Variants in SLC35F1 observed in about 807,000 individuals in gnomAD.
SLC35F1 encodes the protein chromosome 6 open reading frame 169.
A neutral mutation model predicts 48.7 loss-of-function variants in SLC35F1; 14 were observed. The ratio of observed to expected loss-of-function variants is 0.29; its 90% CI spans 0.19 to 0.45. The LOEUF (loss-of-function observed/expected upper bound fraction) is 0.45. SLC35F1 is among the 20% of genes least tolerant of loss of function. The probability of loss-of-function intolerance (pLI) is 1.00; values close to 1 mark genes in which losing one functional copy is unlikely to be tolerated. For synonymous variants in SLC35F1, 190 were observed against 202.2 expected, an observed-to-expected ratio of 0.94 and a Z score of 0.51; for missense variants, 404 against 500.0, an observed-to-expected ratio of 0.81 and a Z score of 1.83.
chr6:118,226,238 G>A (rs1437188096), intron 2 of SLC35F1, among the ~76,000 whole-genome samples: 2 of 152,146 alleles, frequency 1.3e-5, no homozygotes, highest in African/African-American at 4.8e-5. Flanking sequence ...GAAGAAAGGC[G>A]AATCCTTGTA....
At position 118,217,611 on chromosome 6, in the gene SLC35F1, A is replaced by G. The variant is rs117374221; in HGVS notation, c.350-17898A>G. 4.5e-4 allele frequency among the ~76,000 whole-genome samples: 69 copies of G among 152,308 alleles called. No homozygotes were observed. The East Asian group carries it at 0.013, about 28-fold the overall frequency. ...CTGAACTGTGCACTTAAAAATAGTT[A>G]GATGGTAAATGTTACGCTGTGTATA... On this transcript the variant is annotated intron_variant, in intron 2 of 7. Transcript: ENST00000360388.
intron 1 of SLC35F1, among the ~76,000 whole-genome samples, chr6:118,144,443 G>A (rs1158002441): frequency 2.0e-5 from 3 of 151,912 alleles, no homozygotes; most frequent in Admixed American, 6.6e-5. Flanking sequence ...GCAGGGGGTC[G>A]GGGGGAGGGA....
intron 1 of SLC35F1, among the ~76,000 whole-genome samples, chr6:118,154,243 C>T (rs181122597): frequency 5.3e-5 from 8 of 152,290 alleles, no homozygotes; most frequent in Admixed American, 4.6e-4. Flanking sequence ...TCCTTAACCA[C>T]TCTAAGTTTT....
chr6:118,064,855 C>T (rs1027794687), intron 1 of SLC35F1, among the ~76,000 whole-genome samples: 4 of 152,112 alleles, frequency 2.6e-5, no homozygotes, highest in African/African-American at 9.7e-5. Flanking sequence ...TAATCTTCCT[C>T]AGTATCTTGT....
At position 118,212,496 on chromosome 6, in the gene SLC35F1, C is replaced by A. The variant is rs78672441; in HGVS notation, c.350-23013C>A. On this transcript the variant is annotated intron_variant, in intron 2 of 7. Coordinates refer to ENST00000360388, the MANE Select transcript of SLC35F1 (RefSeq NM_001029858.4). Reference sequence around the variant, plus strand: ...CCTGAGGTCAGGACTTGAAGACCACCCTGGCCAACATGGTGAAACCACATC... The same window carrying A: ...CCTGAGGTCAGGACTTGAAGACCACACTGGCCAACATGGTGAAACCACATC... 9.0e-3 allele frequency among the ~76,000 whole-genome samples: 1,367 copies of A among 152,082 alleles called. 22 individuals carry two copies. Among genetic ancestry groups the A allele is most frequent in the African/African-American group, 0.032 (1,317 of 41,456 alleles).
At chr6:118,075,706 G>A (rs1772808278) in intron 1 of SLC35F1, among the ~76,000 whole-genome samples, 1 of 152,080 alleles carries the variant, frequency 6.6e-6, no homozygotes, top group African/African-American at 2.4e-5. Context: ...AGTTGATTGT[G>A]GTGCTTAATG....
At chr6:118,048,999 C>G (rs532173411) in intron 1 of SLC35F1, among the ~76,000 whole-genome samples, 41 of 152,238 alleles carry the variant, frequency 2.7e-4, no homozygotes, top group Non-Finnish European at 4.9e-4. Context: ...CAGCATAGTA[C>G]TGGTACCAAA....
intron 2 of SLC35F1, among the ~76,000 whole-genome samples, chr6:118,158,147 C>A (rs1245375110): frequency 2.0e-5 from 3 of 152,062 alleles, no homozygotes; most frequent in African/African-American, 7.3e-5. Flanking sequence ...TGCCTCAGAT[C>A]CTCACTAAGT....
At chr6:118,133,058 T>A (rs1773739624) in intron 1 of SLC35F1, among the ~76,000 whole-genome samples, 1 of 152,126 alleles carries the variant, frequency 6.6e-6, no homozygotes. Flanking sequence ...ATGTGAGATG[T>A]GTCTGGAAAG....
intron 2 of SLC35F1, among the ~76,000 whole-genome samples, chr6:118,215,697 G>A (rs926590775): frequency 5.3e-5 from 8 of 152,308 alleles, no homozygotes; most frequent in Non-Finnish European, 1.0e-4. Context: ...GTTTATCCTA[G>A]TAGGAATTTT....
At chr6:118,275,432 C>CTGTT (rs368419150) in intron 4 of SLC35F1, 27 bp from the exon 5 acceptor site, 22 of 1,597,232 alleles carry the variant, frequency 1.4e-5, no homozygotes, top group African/African-American at 2.7e-5. Context: ...GATGCTCCCT[C>CTGTT]TGTTTGTTTG....
intron 1 of SLC35F1, among the ~76,000 whole-genome samples, chr6:118,064,859 A>G (rs1354785935): frequency 6.6e-6 from 1 of 152,066 alleles, no homozygotes; most frequent in Non-Finnish European, 1.5e-5. Context: ...CTTCCTCAGT[A>G]TCTTGTACTT....
At chr6:118,232,614 T>TACTAAGAG (rs1221025143) in intron 2 of SLC35F1, among the ~76,000 whole-genome samples, 7 of 148,022 alleles carry the variant, frequency 4.7e-5, no homozygotes, top group African/African-American at 1.5e-4. Flanking sequence ...CAGTCTAGGG[T>TACTAAGAG]ACTAAGAGTA....
intron 1 of SLC35F1, among the ~76,000 whole-genome samples, chr6:118,127,959 TA>T (rs1411071007): frequency 2.0e-5 from 3 of 152,000 alleles, no homozygotes; most frequent in Non-Finnish European, 2.9e-5. Context: ...GAAACAAATT[TA>T]TAGGAAAAAA....
At chr6:118,163,721 T>C (rs1366226540) in intron 2 of SLC35F1, among the ~76,000 whole-genome samples, 2 of 152,230 alleles carry the variant, frequency 1.3e-5, no homozygotes, top group Admixed American at 1.3e-4. Flanking sequence ...GATAACTGTA[T>C]TGCCTGAAGG....
intron 1 of SLC35F1, among the ~76,000 whole-genome samples, chr6:118,033,898 T>C (rs1772088817): frequency 6.6e-6 from 1 of 152,244 alleles, no homozygotes; most frequent in African/African-American, 2.4e-5. Context: ...TGTTCATCGT[T>C]ATATTTCAGA....
At chr6:118,208,113 G>A (rs922581455) in intron 2 of SLC35F1, among the ~76,000 whole-genome samples, 8 of 122,886 alleles carry the variant, frequency 6.5e-5, no homozygotes, top group East Asian at 2.1e-4. Flanking sequence ...ACACACACGC[G>A]CGCGCGCGAT....
chr6:118,195,571 T>C (rs1236455023), intron 2 of SLC35F1, among the ~76,000 whole-genome samples: 2 of 152,142 alleles, frequency 1.3e-5, no homozygotes, highest in African/African-American at 2.4e-5. Flanking sequence ...AAAATCCCTG[T>C]GAATTTTCAA....
chr6:118,000,514 A>C (rs1168048358), intron 1 of SLC35F1, among the ~76,000 whole-genome samples: 3 of 152,170 alleles, frequency 2.0e-5, no homozygotes, highest in African/African-American at 4.8e-5. Context: ...CAAAAACTGG[A>C]AGCATTCCCT....
Sources: allele counts gnomAD v4.1 joint callset (sites outside exome capture counted in the v4.1 genomes callset), GRCh38; gene constraint gnomAD v4.1.1; transcripts MANE v1.5; gene names NCBI Gene and HGNC (gene_info 2026-07-23, HGNC 2026-07-21).